The following SLC35F1 variants were observed in gnomAD, a reference collection of about 807,000 sequenced individuals.
SLC35F1 encodes solute carrier family 35 member F1, also known as chromosome 6 open reading frame 169.
In SLC35F1, 14 loss-of-function variants were observed where a neutral mutation model predicts 48.7. That is an observed-to-expected ratio of 0.29 (90% confidence interval 0.19 to 0.45). SLC35F1 has a LOEUF of 0.45. SLC35F1 is among the 20% of genes least tolerant of loss of function. The pLI, the probability that SLC35F1 is intolerant of heterozygous loss-of-function variation, is 1.00. For missense variants in SLC35F1, 404 were observed against 500.0 expected (o/e 0.81, Z 1.83); for synonymous variants, 190 against 202.2 (o/e 0.94, Z 0.51).
At chr6:117,925,837 G>A (rs117767783) in intron 1 of SLC35F1, among the ~76,000 whole-genome samples, 409 of 152,188 alleles carry the variant, frequency 2.7e-3, no homozygotes, top group Non-Finnish European at 4.0e-3. Context: ...CCAGTCTGTG[G>A]CACCTTTGAT....
At chr6:118,161,852 A>G (rs1055330775) in intron 2 of SLC35F1, among the ~76,000 whole-genome samples, 2 of 152,248 alleles carry the variant, frequency 1.3e-5, no homozygotes, top group Non-Finnish European at 2.9e-5. Flanking sequence ...ACACAAGAAA[A>G]TTAGAATCCA....
At chr6:117,954,404 C>T (rs375083014) in intron 1 of SLC35F1, among the ~76,000 whole-genome samples, 3 of 152,020 alleles carry the variant, frequency 2.0e-5, no homozygotes, top group Non-Finnish European at 2.9e-5. Context: ...TACAGGCACC[C>T]GCCACCATGC....
intron 7 of SLC35F1, among the ~76,000 whole-genome samples, chr6:118,288,664 C>T (rs540250578): frequency 6.6e-6 from 1 of 152,246 alleles, no homozygotes; most frequent in South Asian, 2.1e-4. Flanking sequence ...TGCCAGTTGG[C>T]TCTTCCTGAA....
chr6:117,999,530 G>C (rs1777056506), intron 1 of SLC35F1: 1 of 848,008 alleles, frequency 1.2e-6, no homozygotes, highest in Admixed American at 2.3e-5. Context: ...TGGGGCTGGG[G>C]TCCTCCTGTG....
chr6:118,158,888 C>CCTCT (rs1309503441), intron 2 of SLC35F1, among the ~76,000 whole-genome samples: 1 of 152,130 alleles, frequency 6.6e-6, no homozygotes, highest in East Asian at 1.9e-4. Flanking sequence ...AGTTGGAACA[C>CCTCT]CTCTATATAG....
Position 118,268,600 on chromosome 6 carries a change from ATT to A in SLC35F1, c.637+1472_637+1473del, listed in dbSNP as rs139088554. 7.4e-3 allele frequency among the ~76,000 whole-genome samples: 644 copies of A among 87,416 alleles called. 1 individual carries two copies. The highest frequency in any genetic ancestry group is 0.027 in the African/African-American group (555 of 20,754). 57.3% of individuals were successfully genotyped at this position (87,416 alleles called of 152,430 possible). A position where few individuals can be genotyped will look rare whatever the true frequency, so the allele number is the denominator to read the frequency against. On this transcript the variant is annotated intron_variant, in intron 4 of 7. Transcript: ENST00000360388. ...CATATATATGTATATATATATATAT[ATT>A]TTTTTTTTTTTTTTTTTTTTTTTTT...
chr6:118,018,136 G>A (rs1211945592), intron 1 of SLC35F1, among the ~76,000 whole-genome samples: 1 of 152,192 alleles, frequency 6.6e-6, no homozygotes, highest in African/African-American at 2.4e-5. Flanking sequence ...ACTTTGGGAG[G>A]CTGAGGGAGG....
At chr6:118,154,161 C>T (rs1774104565) in intron 1 of SLC35F1, among the ~76,000 whole-genome samples, 1 of 152,082 alleles carries the variant, frequency 6.6e-6, no homozygotes, top group Non-Finnish European at 1.5e-5. Context: ...AGCTAGAAGC[C>T]AGGCTCTTTC....
chr6:118,226,657 G>A (rs930873442), intron 2 of SLC35F1, among the ~76,000 whole-genome samples: 8 of 152,232 alleles, frequency 5.3e-5, no homozygotes, highest in African/African-American at 1.9e-4. Flanking sequence ...CTCAAAAAGT[G>A]GATCTCATGA....
At chr6:118,182,519 AGAAGGAAG>A (rs10529265) in intron 2 of SLC35F1, among the ~76,000 whole-genome samples, 190 of 106,342 alleles carry the variant, frequency 1.8e-3, no homozygotes, top group African/African-American at 4.7e-3. Flanking sequence ...AGAGAGAGAG[AGAAGGAAG>A]GAAGGAAGGA....
At chr6:117,931,215 C>T (rs961423991) in intron 1 of SLC35F1, among the ~76,000 whole-genome samples, 1 of 152,138 alleles carries the variant, frequency 6.6e-6, no homozygotes, top group East Asian at 1.9e-4. Context: ...ACTTAGGTCT[C>T]TTCGTGCTTG....
At chr6:118,241,695 A>T (rs576313323) in intron 3 of SLC35F1, among the ~76,000 whole-genome samples, 2 of 152,262 alleles carry the variant, frequency 1.3e-5, no homozygotes, top group East Asian at 3.9e-4. Flanking sequence ...ATCACCACAA[A>T]GGAAATCCCT....
At chr6:118,103,023 A>G (rs1773280240) in intron 1 of SLC35F1, among the ~76,000 whole-genome samples, 1 of 152,170 alleles carries the variant, frequency 6.6e-6, no homozygotes, top group South Asian at 2.1e-4. Flanking sequence ...CACCAGGTCT[A>G]CCTTCCAAAG....
At chr6:117,971,830 G>A (rs1776644058) in intron 1 of SLC35F1, among the ~76,000 whole-genome samples, 1 of 152,182 alleles carries the variant, frequency 6.6e-6, no homozygotes, top group African/African-American at 2.4e-5. Context: ...AGGGGCCCTG[G>A]GCCTGGCCCA....
chr6:118,049,729 G>C (rs1043100543), intron 1 of SLC35F1, among the ~76,000 whole-genome samples: 3 of 151,978 alleles, frequency 2.0e-5, no homozygotes, highest in African/African-American at 7.3e-5. Flanking sequence ...GTGCTGGAGA[G>C]GATGTGGAGA....
intron 1 of SLC35F1, among the ~76,000 whole-genome samples, chr6:118,089,843 G>A (rs942090743): frequency 6.6e-6 from 1 of 152,130 alleles, no homozygotes; most frequent in Non-Finnish European, 1.5e-5. Flanking sequence ...TTGCAAAACT[G>A]GAATGAAAGT....
chr6:118,026,368 T>C (rs1771942991), intron 1 of SLC35F1, among the ~76,000 whole-genome samples: 1 of 152,178 alleles, frequency 6.6e-6, no homozygotes, highest in Admixed American at 6.5e-5. Context: ...CTGTTTTCTT[T>C]TTGTGTGAAT....
chr6:118,308,101 G>A (rs1327787147), intron 7 of SLC35F1, among the ~76,000 whole-genome samples: 1 of 152,178 alleles, frequency 6.6e-6, no homozygotes, highest in Non-Finnish European at 1.5e-5. Context: ...GCATTACATT[G>A]AATGAATGAT....
intron 1 of SLC35F1, among the ~76,000 whole-genome samples, chr6:117,993,767 T>C (rs73521504): frequency 6.6e-6 from 1 of 152,216 alleles, no homozygotes; most frequent in Non-Finnish European, 1.5e-5. Flanking sequence ...AAATGAATTT[T>C]ATATTTATCC....
Sources: gnomAD v4.1 joint callset for allele counts (sites outside exome capture counted in the v4.1 genomes callset) on GRCh38, gnomAD v4.1.1 for gene constraint, MANE v1.5 for transcripts, NCBI Gene and HGNC (gene_info 2026-07-23, HGNC 2026-07-21) for gene names.